The following NCAPD3 variants were observed in gnomAD, a reference collection of about 807,000 sequenced individuals.
The protein encoded by NCAPD3 is non-SMC condensin II complex subunit D3.
In NCAPD3, 105 loss-of-function variants were observed where a neutral mutation model predicts 182.9. The observed-to-expected ratio is 0.57, with a 90% CI of 0.49 to 0.68. The LOEUF (loss-of-function observed/expected upper bound fraction) is 0.68. NCAPD3 is among the 30% of genes least tolerant of loss of function. The pLI is 0.00. For missense variants in NCAPD3, 1,944 were observed against 1,837.0 expected (o/e 1.06, Z -1.07); for synonymous variants, 815 against 679.9 (o/e 1.20, Z -3.09).
chr11:134,185,514 A>G lies in NCAPD3; in HGVS notation c.2058T>C (p.Asn686=). Residue 686 remains asparagine, a synonymous_variant, in exon 17 of 35, where the codon AAT becomes AAC. Coordinates refer to ENST00000534548, the MANE Select transcript of NCAPD3 (RefSeq NM_015261.3). The part of the protein sequence containing the change: ...TESQELSRYL[N]KAFHIWSKKE... Reference sequence around the variant, plus strand: ...TCTTGGACCAGATATGAAAAGCCTTATTTAAATATCGGCTGGAAAAAAAAA... The same window carrying G: ...TCTTGGACCAGATATGAAAAGCCTTGTTTAAATATCGGCTGGAAAAAAAAA... 1 of 1,588,958 alleles carries G rather than the reference A, an allele frequency of 6.3e-7. No homozygotes were observed. The highest frequency in any genetic ancestry group is 8.5e-7 in the Non-Finnish European group (1 of 1,170,388).
At position 134,223,902 on chromosome 11, in the gene NCAPD3, T is replaced by C. The variant is rs1312590010; in HGVS notation, c.25A>G (p.Ser9Gly). 6.2e-7 allele frequency: 1 copy of C among 1,612,614 alleles called. No individual in the cohort carries two copies. The highest frequency in any genetic ancestry group is 1.1e-5 in the South Asian group (1 of 91,028). MVALRGLG[S>G]GLQPWCPLDL... is the part of the protein sequence containing the mutation. ...AGCGGACACCAGGGCTGCAGGCCGC[T>C]ACCAAGGCCCCGCAACGCCACCATG... Residue 9 changes from serine (S) to glycine (G), a missense_variant, in exon 1 of 35, where the codon AGC becomes GGC. Transcript: ENST00000534548.
Position 134,210,597 on chromosome 11 carries a change from G to C in NCAPD3, c.383-143C>G, listed in dbSNP as rs1937797238. The C allele has an allele frequency of 5.5e-6, 4 of 720,780 alleles. No homozygotes were observed. In the South Asian group the frequency reaches 7.8e-5, roughly 14 times the overall value. 44.6% of individuals were successfully genotyped at this position (720,780 alleles called of 1,614,324 possible). ...TGAACCTGTAGCAAGAGTACCATTTGCAACGTCAGCCTTAGTAGAGGAGAC... is the reference window on the plus strand; with the variant it reads ...TGAACCTGTAGCAAGAGTACCATTTCCAACGTCAGCCTTAGTAGAGGAGAC... On this transcript the variant is annotated intron_variant, in intron 3 of 34. Transcript: ENST00000534548.
chr11:134,192,932 A>G, intron 15 of NCAPD3, 23 bp from the exon 16 acceptor site: 2 of 1,381,594 alleles, frequency 1.4e-6, no homozygotes, highest in Non-Finnish European at 2.1e-6. Context: ...AGATTATGAC[A>G]TGAGAAGGTC....
Position 134,217,047 on chromosome 11 carries a change from C to T in NCAPD3, c.271G>A (p.Ala91Thr), listed in dbSNP as rs1938051954. Reference protein sequence around the residue: ...ENNVSHSTLVALFYHFVQIVH... With the variant: ...ENNVSHSTLVTLFYHFVQIVH... ...ATTTGAACAAAATGATAGAACAATG[C>T]CACCAGTGTACTATGGGAAACATTG... is the stretch of plus-strand genomic sequence containing the variant. Residue 91 changes from alanine (A) to threonine (T), a missense_variant, in exon 3 of 35, where the codon GCA (alanine) becomes ACA (threonine). Coordinates refer to ENST00000534548, the MANE Select transcript of NCAPD3 (RefSeq NM_015261.3). 1.2e-6 allele frequency: 2 copies of T among 1,613,678 alleles called. No homozygotes were observed. Among genetic ancestry groups the T allele is most frequent in the African/African-American group, 1.3e-5 (1 of 74,908 alleles).
chr11:134,224,025 A>T (rs1938353610), upstream of NCAPD3: 1 of 1,426,502 alleles, frequency 7.0e-7, no homozygotes, highest in Non-Finnish European at 9.6e-7. Flanking sequence ...CAACGTACAG[A>T]ATTTCCCACT....
chr11:134,186,438 T>C (rs992181800), intron 16 of NCAPD3, among the ~76,000 whole-genome samples: 1 of 152,202 alleles, frequency 6.6e-6, no homozygotes, highest in South Asian at 2.1e-4. Context: ...GTCTTGAACT[T>C]CTGGGCTCAA....
Position 134,153,162 on chromosome 11 carries a change from A to G in NCAPD3, c.4366T>C (p.Cys1456Arg), listed in dbSNP as rs377143709. The G allele has an allele frequency of 3.1e-5, 50 of 1,614,014 alleles. No homozygotes were observed. Among genetic ancestry groups the G allele is most frequent in the Middle Eastern group, 3.3e-4 (2 of 6,084 alleles). Residue 1456 changes from cysteine (C) to arginine (R), a missense_variant, in exon 34 of 35, where the codon TGT (cysteine) becomes CGT (arginine). By Grantham distance (180) the Cys-to-Arg change is radical (BLOSUM62 -3). This residue lies in a region of NCAPD3 where 1,803 missense variants were observed against 1,674.6 expected (regional missense o/e 1.08). Coordinates refer to ENST00000534548, the MANE Select transcript of NCAPD3 (RefSeq NM_015261.3). ...TACGGTTTATCAGGCAGTGATAAAC[A>G]TAAGATGTCATTTCCTTGACTCCGG... ...EGRSQGNDIL[C>R]LSLPDKPPPQ...
chr11:134,203,635 C>T lies in NCAPD3; in HGVS notation c.1468+19G>A, dbSNP rs1278324584. 3 of 1,606,594 alleles carry T rather than the reference C, an allele frequency of 1.9e-6. No homozygotes were observed. Among genetic ancestry groups the T allele is most frequent in the African/African-American group, 2.7e-5 (2 of 74,852 alleles). ...TGAGCACAAGACCGGTTTACTGTCC[C>T]AATAGTCGCCATACTCACTGTTAAT... On this transcript the variant is annotated intron_variant, in intron 11 of 34. Transcript: ENST00000534548.
At chr11:134,178,080 C>A (rs1172779981) in intron 22 of NCAPD3, 1 of 151,840 alleles carries the variant, frequency 6.6e-6, no homozygotes, top group East Asian at 1.9e-4. Context: ...AACAAAAAAA[C>A]AAAATACAAT....
chr11:134,209,060 G>C, intron 6 of NCAPD3, 85 bp downstream of exon 6: 1 of 1,471,320 alleles, frequency 6.8e-7, no homozygotes, highest in Non-Finnish European at 9.4e-7. Flanking sequence ...GTGCCAATTG[G>C]GATAAAATGG....
intron 32 of NCAPD3, 136 bp from the exon 33 acceptor site, chr11:134,153,499 G>A: frequency 2.4e-6 from 2 of 848,208 alleles, no homozygotes; most frequent in Admixed American, 1.9e-5. Context: ...ACTGGACCCT[G>A]TCCCAGGGCC....
chr11:134,185,298 T>G (rs1591842313), intron 17 of NCAPD3, 37 bp downstream of exon 17: 2 of 1,531,424 alleles, frequency 1.3e-6, no homozygotes, highest in East Asian at 4.6e-5. Context: ...TCTAAGACTC[T>G]TCAGTGTCAT....
intron 1 of NCAPD3, among the ~76,000 whole-genome samples, chr11:134,222,680 G>A (rs559259650): frequency 4.7e-4 from 71 of 152,340 alleles, no homozygotes; most frequent in African/African-American, 1.7e-3. Context: ...GAATAGTACT[G>A]GGGGAGGAGG....
At chr11:134,181,343 G>A (rs1024728121) in intron 19 of NCAPD3, among the ~76,000 whole-genome samples, 159 bp from the exon 20 acceptor site, 1 of 152,202 alleles carries the variant, frequency 6.6e-6, no homozygotes, top group African/African-American at 2.4e-5. Context: ...AAACCACAAT[G>A]ACATGCATTT....
chr11:134,168,303 T>C, intron 26 of NCAPD3, 108 bp from the exon 27 acceptor site: 4 of 1,440,792 alleles, frequency 2.8e-6, no homozygotes, highest in Non-Finnish European at 3.9e-6. Flanking sequence ...TCAGGGGGTC[T>C]GCAAGGGTGT....
chr11:134,204,823 T>TCA lies in NCAPD3; in HGVS notation c.1089+74_1089+75dup, dbSNP rs146098679. Reference sequence around the variant, plus strand: ...CATTCCCAAGAACAAATACCCACACTCACACACACACACACACATTTATCT... The same window carrying TCA: ...CATTCCCAAGAACAAATACCCACACTCACACACACACACACACACATTTATCT... On this transcript the variant is annotated intron_variant, in intron 9 of 34. Transcript: ENST00000534548. This position sits in a 1 kb window ranked among gnomAD's most constrained non-coding sequence, Gnocchi z 4.3. 6,653 of 1,080,270 alleles carry TCA rather than the reference T, an allele frequency of 6.2e-3. 40 individuals are homozygous for TCA. Among genetic ancestry groups the TCA allele is most frequent in the African/African-American group, 0.04 (2,466 of 62,230 alleles). The allele number at this position is 1,080,270 out of a possible 1,614,324, so 66.9% of individuals were successfully genotyped here.
At position 134,184,537 on chromosome 11, in the gene NCAPD3, C is replaced by T. The variant is rs767968999; in HGVS notation, c.2451+100G>A. 667 of 783,842 alleles carry T rather than the reference C, an allele frequency of 8.5e-4. 1 individual carries two copies. The highest frequency in any genetic ancestry group is 1.2e-3 in the Non-Finnish European group (585 of 493,394). 48.6% of individuals were successfully genotyped at this position (783,842 alleles called of 1,614,324 possible). A position where few individuals can be genotyped will look rare whatever the true frequency, so the allele number is the denominator to read the frequency against. On this transcript the variant is annotated intron_variant, in intron 19 of 34. Coordinates refer to ENST00000534548, the MANE Select transcript of NCAPD3 (RefSeq NM_015261.3). Reference sequence around the variant, plus strand: ...AGCTGCGGGGGACATCCTTACACGTCCTCTTATTTATAGAGAATGCTCCTC... The same window carrying T: ...AGCTGCGGGGGACATCCTTACACGTTCTCTTATTTATAGAGAATGCTCCTC...
intron 27 of NCAPD3, among the ~76,000 whole-genome samples, chr11:134,163,829 G>A (rs549857479): frequency 7.7e-5 from 10 of 130,208 alleles, no homozygotes; most frequent in East Asian, 4.7e-4. Flanking sequence ...CTGAGATCGC[G>A]CCACTGCACT....
chr11:134,168,962 T>G lies in NCAPD3; in HGVS notation c.3194A>C (p.Asn1065Thr). ...GTTGTACTTCTCATGCTTCTCATAG[T>G]TATTAAAGTGAAAAATACATTCAAT... ...HFIECIFHFN[N>T]YEKHEKYNKF... Residue 1065 changes from asparagine (N) to threonine (T), a missense_variant, in exon 25 of 35, where the codon AAC becomes ACC. Transcript: ENST00000534548. The G allele has an allele frequency of 1.2e-6, 2 of 1,614,046 alleles. No homozygotes were observed. The highest frequency in any genetic ancestry group is 1.7e-6 in the Non-Finnish European group (2 of 1,179,932).
Sources: gnomAD v4.1 joint callset for allele counts (sites outside exome capture counted in the v4.1 genomes callset) on GRCh38, gnomAD v4.1.1 for gene constraint, gnomAD v4.1.1 regional missense constraint, Gnocchi (gnomAD v3.1) non-coding constraint, MANE v1.5 for transcripts, NCBI Gene and HGNC (gene_info 2026-07-23, HGNC 2026-07-21) for gene names.